CDH17: variants seen among roughly 807,000 people sequenced by gnomAD.
CDH17 encodes cadherin-17.
Under a neutral mutation model 86.3 loss-of-function variants are expected in CDH17, and 67 were observed. The ratio of observed to expected loss-of-function variants is 0.78; its 90% CI spans 0.64 to 0.95. The LOEUF (loss-of-function observed/expected upper bound fraction) is 0.95, where lower values mean the gene tolerates loss of function less well. Ranked by LOEUF, CDH17 falls within the 40% of genes least tolerant of loss-of-function variation. The pLI is 0.00. For missense variants in CDH17, 993 were observed against 1,017.6 expected (o/e 0.98, Z 0.33); for synonymous variants, 367 against 366.4 (o/e 1.00, Z -0.02).
chr8:94,156,844 A>G (rs1812958650), intron 12 of CDH17, among the ~76,000 whole-genome samples: 1 of 152,206 alleles, frequency 6.6e-6, no homozygotes, highest in African/African-American at 2.4e-5. Context: ...TTTTGCATTT[A>G]ATTCTTCAAC....
Position 94,151,976 on chromosome 8 carries a change from G to A in CDH17, c.1688C>T (p.Ala563Val), listed in dbSNP as rs1812864512. The change falls in exon 13 of 18, where the codon GCA (alanine) becomes GTA (valine). Residue 563 changes from alanine to valine, a missense_variant. By Grantham distance (64) the Ala-to-Val change is moderately conservative. Coordinates refer to ENST00000027335, the MANE Select transcript of CDH17 (RefSeq NM_004063.4). ...FTLIVTDVNE[A>V]PQFSQHVFQA... ...GAATACGTGTTGGGAAAATTGAGGT[G>A]CTTCATTCACATCTGTCACAATAAG... The A allele has an allele frequency of 6.2e-7, 1 of 1,614,066 alleles. No individual in the cohort carries two copies. Among genetic ancestry groups the A allele is most frequent in the Non-Finnish European group, 8.5e-7 (1 of 1,180,038 alleles).
chr8:94,161,197 A>C (rs887123846), intron 11 of CDH17, among the ~76,000 whole-genome samples: 6 of 152,218 alleles, frequency 3.9e-5, no homozygotes, highest in African/African-American at 1.4e-4. Context: ...GGAAAGGATC[A>C]AAAGCCCAAG....
Position 94,170,918 on chromosome 8 carries a change from A to T in CDH17, c.851T>A (p.Phe284Tyr), listed in dbSNP as rs1330322299. 6.2e-7 allele frequency: 1 copy of T among 1,613,910 alleles called. No individual in the cohort carries two copies. Among genetic ancestry groups the T allele is most frequent in the Non-Finnish European group, 8.5e-7 (1 of 1,179,876 alleles). The change falls in exon 8 of 18, where the codon TTT (phenylalanine) becomes TAT (tyrosine). Residue 284 changes from phenylalanine to tyrosine, a missense_variant. Coordinates refer to ENST00000027335, the MANE Select transcript of CDH17 (RefSeq NM_004063.4). ...AATATCTCCTTCCTGGTCAATTGAA[A>T]ATGGGAATCTTGGCAGCTTCTCTTT... is the stretch of plus-strand genomic sequence containing the variant. ...VDKEKLPRFP[F>Y]SIDQEGDIYV... is the part of the protein sequence containing the mutation.
At chr8:94,215,894 A>G (rs1411317175) in intron 1 of CDH17, among the ~76,000 whole-genome samples, 1 of 134,554 alleles carries the variant, frequency 7.4e-6, no homozygotes, top group African/African-American at 2.8e-5. Context: ...AATTTTACCT[A>G]TTATTTGACC....
intron 15 of CDH17, among the ~76,000 whole-genome samples, chr8:94,141,563 C>A (rs1011446154): frequency 2.0e-5 from 3 of 152,076 alleles, no homozygotes; most frequent in Non-Finnish European, 4.4e-5. Context: ...TAAATAAGGT[C>A]AGCAAGCCTC....
intron 10 of CDH17, among the ~76,000 whole-genome samples, chr8:94,163,447 T>C (rs1813096519): frequency 6.6e-6 from 1 of 152,224 alleles, no homozygotes. Context: ...AGGAAGAGTG[T>C]AGCTGGGGGT....
At chr8:94,206,854 T>C (rs10956906) in intron 1 of CDH17, among the ~76,000 whole-genome samples, 63,707 of 151,756 alleles carry the variant, frequency 0.42, 14,542 homozygotes, top group Middle Eastern at 0.54. Flanking sequence ...GTTCAGACCT[T>C]CCAGGCTGGT....
chr8:94,128,921 A>G (rs1812355124), intron 17 of CDH17, among the ~76,000 whole-genome samples: 1 of 152,172 alleles, frequency 6.6e-6, no homozygotes, highest in African/African-American at 2.4e-5. Context: ...CTGATACATC[A>G]AAATTACACT....
chr8:94,209,115 G>A (rs574114268), upstream of CDH17, among the ~76,000 whole-genome samples: 6 of 152,224 alleles, frequency 3.9e-5, no homozygotes, highest in South Asian at 4.2e-4. Context: ...AGAAACAACC[G>A]ATAGCAAATT....
chr8:94,200,470 G>C (rs575135536), intron 1 of CDH17, among the ~76,000 whole-genome samples: 1 of 142,298 alleles, frequency 7.0e-6, no homozygotes, highest in African/African-American at 2.6e-5. Context: ...AGTTACTACA[G>C]CAATTATTTG....
intron 15 of CDH17, among the ~76,000 whole-genome samples, chr8:94,134,019 T>TATCAG (rs1812472037): frequency 6.6e-6 from 1 of 152,204 alleles, no homozygotes; most frequent in Non-Finnish European, 1.5e-5. Flanking sequence ...TTGATTGTGT[T>TATCAG]GGATAAGCTT....
intron 15 of CDH17, among the ~76,000 whole-genome samples, chr8:94,141,333 T>C (rs941600563): frequency 2.7e-4 from 40 of 150,366 alleles, no homozygotes; most frequent in African/African-American, 9.7e-4. Context: ...AAAGACGACC[T>C]ACAATAAAAA....
chr8:94,157,187 T>C (rs947825984), intron 12 of CDH17, among the ~76,000 whole-genome samples: 1 of 152,242 alleles, frequency 6.6e-6, no homozygotes, highest in Non-Finnish European at 1.5e-5. Flanking sequence ...GTAATTCAGA[T>C]GAACTGTTAA....
At chr8:94,137,533 G>C (rs1470300489) in intron 15 of CDH17, among the ~76,000 whole-genome samples, 1 of 152,088 alleles carries the variant, frequency 6.6e-6, no homozygotes, top group Non-Finnish European at 1.5e-5. Flanking sequence ...TGTTTTTCCA[G>C]GTACAGTCTG....
chr8:94,133,564 C>A (rs936881995), intron 15 of CDH17, among the ~76,000 whole-genome samples: 4 of 152,186 alleles, frequency 2.6e-5, no homozygotes, highest in Non-Finnish European at 5.9e-5. Flanking sequence ...TGGGCTGAGA[C>A]AATAGGGTTT....
chr8:94,188,248 T>A (rs1401830640), intron 3 of CDH17, among the ~76,000 whole-genome samples: 1 of 152,278 alleles, frequency 6.6e-6, no homozygotes, highest in African/African-American at 2.4e-5. Flanking sequence ...GTAAATGCTA[T>A]GTAAATGATT....
chr8:94,150,716 T>G (rs966574113), intron 13 of CDH17, among the ~76,000 whole-genome samples: 1 of 152,232 alleles, frequency 6.6e-6, no homozygotes, highest in Non-Finnish European at 1.5e-5. Context: ...CTTACATGCC[T>G]TTATTTTTCC....
upstream of CDH17, among the ~76,000 whole-genome samples, chr8:94,212,496 TGAG>T (rs764466998): frequency 7.7e-5 from 7 of 90,694 alleles, no homozygotes; most frequent in South Asian, 3.2e-4. Flanking sequence ...TCTCTGTTGT[TGAG>T]TTTTTTTTTT....
intron 2 of CDH17, among the ~76,000 whole-genome samples, chr8:94,194,049 A>T (rs2623148): frequency 0.034 from 5,142 of 152,102 alleles, 94 homozygotes; most frequent in Middle Eastern, 0.048. Context: ...CGTAGATTTT[A>T]AAAAAAGGCA....
Sources: allele counts gnomAD v4.1 joint callset (sites outside exome capture counted in the v4.1 genomes callset), GRCh38; gene constraint gnomAD v4.1.1; transcripts MANE v1.5; gene names NCBI Gene and HGNC (gene_info 2026-07-23, HGNC 2026-07-21).